The following SH3GL1 variants were observed in gnomAD, a reference collection of about 807,000 sequenced individuals.
The protein encoded by SH3GL1 is SH3 domain containing GRB2 like 1, endophilin A2, also known as endophilin-A2.
A neutral mutation model predicts 48.8 loss-of-function variants in SH3GL1; 21 were observed. The ratio of observed to expected loss-of-function variants is 0.43; its 90% CI spans 0.30 to 0.62. The LOEUF (loss-of-function observed/expected upper bound fraction) is 0.62. SH3GL1 is among the 20% of genes least tolerant of loss of function. SH3GL1 has a pLI of 0.11. For missense variants in SH3GL1, 454 were observed against 503.0 expected, an observed-to-expected ratio of 0.90 and a Z score of 0.93; for synonymous variants, 282 against 217.5, an observed-to-expected ratio of 1.30 and a Z score of -2.61.
At chr19:4,371,611 T>C (rs976649398) in intron 1 of SH3GL1, among the ~76,000 whole-genome samples, 1 of 152,214 alleles carries the variant, frequency 6.6e-6, no homozygotes, top group African/African-American at 2.4e-5. Context: ...GGAGGGCTGC[T>C]GTGGCCCAGC....
Position 4,389,756 on chromosome 19 carries a change from C to T in SH3GL1, c.45+10568G>A, listed in dbSNP as rs1973301748. Among the ~76,000 whole-genome samples the T allele has an allele frequency of 6.6e-6, 1 of 152,212 alleles. No individual in the cohort carries two copies. Among genetic ancestry groups the T allele is most frequent in the African/African-American group, 2.4e-5 (1 of 41,446 alleles). ...GGCAGGCCAGCCAGTAAACCAAACA[C>T]TGGGGATGCAGCAATGAGCACAAAT... On this transcript the variant is annotated intron_variant, in intron 1 of 9. Transcript: ENST00000269886. The surrounding 1 kb of genome is among the most constrained non-coding windows in gnomAD (Gnocchi z 4.5).
chr19:4,371,495 C>T (rs1184928067), intron 1 of SH3GL1, among the ~76,000 whole-genome samples: 1 of 152,262 alleles, frequency 6.6e-6, no homozygotes, highest in Non-Finnish European at 1.5e-5. Flanking sequence ...AACACAAATG[C>T]CCGTCTCGGG....
At chr19:4,390,969 T>C in intron 1 of SH3GL1, among the ~76,000 whole-genome samples, 1 of 152,120 alleles carries the variant, frequency 6.6e-6, no homozygotes, top group Non-Finnish European at 1.5e-5. Flanking sequence ...TGCAAAACAC[T>C]GGAAACAATC....
chr19:4,367,108 C>A lies in SH3GL1; in HGVS notation c.46-114G>T. ...GCATCCACAGCTGGAGGCAGGAGGC[C>A]AAGTGATCAGGACACACACCTCAGG... is the stretch of plus-strand genomic sequence containing the variant. On this transcript the variant is annotated intron_variant, in intron 1 of 9. Coordinates refer to ENST00000269886, the MANE Select transcript of SH3GL1 (RefSeq NM_003025.4). This position sits in a 1 kb window ranked among gnomAD's most constrained non-coding sequence, Gnocchi z 4.2. The A allele has an allele frequency of 1.2e-6, 1 of 843,902 alleles. No homozygotes were observed. Among genetic ancestry groups the A allele is most frequent in the South Asian group, 1.3e-5 (1 of 76,070 alleles). 52.3% of individuals were successfully genotyped at this position (843,902 alleles called of 1,614,324 possible).
chr19:4,378,368 CCT>C (rs1471463985), intron 1 of SH3GL1, among the ~76,000 whole-genome samples: 1 of 152,034 alleles, frequency 6.6e-6, no homozygotes, highest in Non-Finnish European at 1.5e-5. Context: ...AACACAAACC[CCT>C]CTGAGCCTCG....
At chr19:4,381,315 CCT>C (rs1403587410) in intron 1 of SH3GL1, among the ~76,000 whole-genome samples, 4 of 124,332 alleles carry the variant, frequency 3.2e-5, no homozygotes, top group South Asian at 6.5e-4. Context: ...TCTCTGTCCC[CCT>C]ATGTCTCCCG....
At chr19:4,363,561 GGGGGCTGAGA>G in intron 6 of SH3GL1, 88 bp from the exon 7 acceptor site, 1 of 1,462,918 alleles carries the variant, frequency 6.8e-7, no homozygotes, top group Non-Finnish European at 9.5e-7. Flanking sequence ...CAGGAGGCAA[GGGGGCTGAGA>G]GGGGACAGGG....
At position 4,361,528 on chromosome 19, in the gene SH3GL1, G is replaced by C; in HGVS notation, c.*72C>G. 8.2e-7 allele frequency: 1 copy of C among 1,218,568 alleles called. No homozygotes were observed. Among genetic ancestry groups the C allele is most frequent in the East Asian group, 2.4e-5 (1 of 41,104 alleles). The allele number at this position is 1,218,568 out of a possible 1,614,324, so 75.5% of individuals were successfully genotyped here. Reference sequence around the variant, plus strand: ...ACACCGCCCTGGCAGCAGGGGCTCCGTGGAATGCAGGAGACCCAGCAGGGG... The same window carrying C: ...ACACCGCCCTGGCAGCAGGGGCTCCCTGGAATGCAGGAGACCCAGCAGGGG... On this transcript the variant is annotated 3_prime_UTR_variant, in exon 10 of 10. Coordinates refer to ENST00000269886, the MANE Select transcript of SH3GL1 (RefSeq NM_003025.4).
chr19:4,361,871 G>A (rs1051457504), intron 9 of SH3GL1, 75 bp from the exon 10 acceptor site: 10 of 1,093,836 alleles, frequency 9.1e-6, no homozygotes, highest in African/African-American at 4.6e-5. Context: ...CAGACCTGCT[G>A]TGACCTGGAG....
chr19:4,374,301 CA>C (rs1166895291), intron 1 of SH3GL1, among the ~76,000 whole-genome samples: 4 of 151,766 alleles, frequency 2.6e-5, no homozygotes, highest in Non-Finnish European at 5.9e-5. Context: ...GAGTGGCAGC[CA>C]GGGGCCAGGG....
Position 4,361,009 on chromosome 19 carries a change from C to G in SH3GL1, c.*591G>C, listed in dbSNP as rs565063892. On this transcript the variant is annotated 3_prime_UTR_variant, in exon 10 of 10. Coordinates refer to ENST00000269886, the MANE Select transcript of SH3GL1 (RefSeq NM_003025.4). ...CCGGGCTGCAAGCTGACAGCAGGCCCGGGAGGCGGTGAGGCCCTCTGCCCT... is the reference window on the plus strand; with the variant it reads ...CCGGGCTGCAAGCTGACAGCAGGCCGGGGAGGCGGTGAGGCCCTCTGCCCT... The G allele has an allele frequency of 8.5e-6, 2 of 234,126 alleles. No individual in the cohort carries two copies. Among genetic ancestry groups the G allele is most frequent in the South Asian group, 1.8e-4 (1 of 5,608 alleles). The allele number at this position is 234,126 out of a possible 1,614,324, so 14.5% of individuals were successfully genotyped here. A position where few individuals can be genotyped will look rare whatever the true frequency, so the allele number is the denominator to read the frequency against.
intron 4 of SH3GL1, chr19:4,364,464 G>A (rs978197604): frequency 2.7e-5 from 14 of 527,742 alleles, no homozygotes; most frequent in East Asian, 6.8e-5. Flanking sequence ...ATGAAGTCTC[G>A]CTGTTGCCCA....
chr19:4,392,747 G>A (rs117975685), intron 1 of SH3GL1, among the ~76,000 whole-genome samples: 2 of 152,118 alleles, frequency 1.3e-5, no homozygotes, highest in African/African-American at 4.8e-5. Context: ...TTCAAAACCA[G>A]CCTGGCCAAC....
At chr19:4,363,010 G>A (rs549407853) in intron 7 of SH3GL1, among the ~76,000 whole-genome samples, 1 of 152,214 alleles carries the variant, frequency 6.6e-6, no homozygotes, top group South Asian at 2.1e-4. Flanking sequence ...CGCATCCCCT[G>A]CCTCCTCCCC....
rs547932326 is a variant in SH3GL1, at chr19:4,379,672, C to T, written c.46-12678G>A. 5.3e-5 allele frequency among the ~76,000 whole-genome samples: 8 copies of T among 152,130 alleles called. No homozygotes were observed. The East Asian group carries it at 1.6e-3, about 30-fold the overall frequency. On this transcript the variant is annotated intron_variant, in intron 1 of 9. Coordinates refer to ENST00000269886, the MANE Select transcript of SH3GL1 (RefSeq NM_003025.4). ...CGCAACTCCTTCCCTGGGGATGTCCCGCCCTCCCTGCACCTCTGCACACCC... is the reference window on the plus strand; with the variant it reads ...CGCAACTCCTTCCCTGGGGATGTCCTGCCCTCCCTGCACCTCTGCACACCC...
intron 6 of SH3GL1, 91 bp downstream of exon 6, chr19:4,363,629 G>A (rs1972687856): frequency 5.2e-6 from 8 of 1,549,070 alleles, no homozygotes; most frequent in South Asian, 2.2e-5. Context: ...GGCCAGGTAG[G>A]TGCCGATCTG....
At chr19:4,390,781 C>T (rs867130275) in intron 1 of SH3GL1, among the ~76,000 whole-genome samples, 1 of 152,050 alleles carries the variant, frequency 6.6e-6, no homozygotes, top group African/African-American at 2.4e-5. Context: ...CCTTCCAACC[C>T]TCCCGGCACT....
At chr19:4,385,048 G>T (rs1319895401) in intron 1 of SH3GL1, among the ~76,000 whole-genome samples, 1 of 150,242 alleles carries the variant, frequency 6.7e-6, no homozygotes, top group Non-Finnish European at 1.5e-5. Context: ...AGGTTGCAGT[G>T]AGCTGAGATT....
At chr19:4,381,314 CCCT>C (rs773530870) in intron 1 of SH3GL1, among the ~76,000 whole-genome samples, 83 of 127,110 alleles carry the variant, frequency 6.5e-4, no homozygotes, top group Middle Eastern at 4.4e-3. Context: ...CTCTCTGTCC[CCCT>C]ATGTCTCCCG....
Sources: allele counts gnomAD v4.1 joint callset (sites outside exome capture counted in the v4.1 genomes callset), GRCh38; gene constraint gnomAD v4.1.1; non-coding constraint Gnocchi (gnomAD v3.1); transcripts MANE v1.5; gene names NCBI Gene and HGNC (gene_info 2026-07-23, HGNC 2026-07-21).